The following FOXN3 variants were observed in gnomAD, a reference collection of about 807,000 sequenced individuals.
FOXN3 encodes the protein forkhead box N3.
In FOXN3, 7 loss-of-function variants were observed where a neutral mutation model predicts 38.4. The ratio of observed to expected loss-of-function variants is 0.18; its 90% CI spans 0.10 to 0.34. The LOEUF is 0.34. Ranked by LOEUF, FOXN3 falls within the 10% of genes least tolerant of loss-of-function variation. The pLI, the probability that FOXN3 is intolerant of heterozygous loss-of-function variation, is 1.00. For missense variants in FOXN3, 456 were observed against 613.4 expected (o/e 0.74, Z 2.71); for synonymous variants, 230 against 242.2 (o/e 0.95, Z 0.47).
intron 4 of FOXN3, among the ~76,000 whole-genome samples, chr14:89,250,796 C>A (rs1358804057): frequency 6.6e-6 from 1 of 152,192 alleles, no homozygotes; most frequent in African/African-American, 2.4e-5. Context: ...CTTTCCCATG[C>A]TGTTCTTGTG....
chr14:89,280,622 T>C (rs777327596), intron 4 of FOXN3, among the ~76,000 whole-genome samples: 4 of 152,208 alleles, frequency 2.6e-5, no homozygotes, highest in Non-Finnish European at 4.4e-5. Context: ...GCCTAGTTTA[T>C]GTTTCTGTCG....
intron 2 of FOXN3, among the ~76,000 whole-genome samples, chr14:89,365,785 GA>G (rs1489103817): frequency 3.3e-5 from 5 of 152,122 alleles, no homozygotes; most frequent in African/African-American, 1.2e-4. Flanking sequence ...CCACTTCAAA[GA>G]GTCAAACTAT....
At chr14:89,375,937 T>G (rs553486730) in intron 2 of FOXN3, among the ~76,000 whole-genome samples, 1 of 152,162 alleles carries the variant, frequency 6.6e-6, no homozygotes, top group Admixed American at 6.5e-5. Context: ...CCTGCCACCA[T>G]GCCTGGCTAA....
intron 2 of FOXN3, among the ~76,000 whole-genome samples, chr14:89,362,176 ACCT>A (rs1414577522): frequency 5.0e-5 from 1 of 20,118 alleles, no homozygotes. Flanking sequence ...CTCCAGCACC[ACCT>A]CCACCACCAC....
At chr14:89,207,037 G>A (rs1888403424) in intron 4 of FOXN3, among the ~76,000 whole-genome samples, 1 of 152,024 alleles carries the variant, frequency 6.6e-6, no homozygotes, top group Admixed American at 6.6e-5. Flanking sequence ...TAGCAGTAGC[G>A]GCAAGAGAAA....
chr14:89,595,816 T>C (rs536958938), intron 1 of FOXN3, among the ~76,000 whole-genome samples: 1 of 152,240 alleles, frequency 6.6e-6, no homozygotes, highest in Non-Finnish European at 1.5e-5. Flanking sequence ...GTATGTTTTT[T>C]ACTTTTTAAT....
intron 4 of FOXN3, among the ~76,000 whole-genome samples, chr14:89,225,370 T>G (rs1226669033): frequency 6.6e-6 from 1 of 151,018 alleles, no homozygotes; most frequent in African/African-American, 2.4e-5. Context: ...TTTGGGAGGC[T>G]GAGGCAGGCG....
intron 1 of FOXN3, among the ~76,000 whole-genome samples, chr14:89,459,894 T>G (rs1458945011): frequency 6.6e-6 from 1 of 151,858 alleles, no homozygotes; most frequent in African/African-American, 2.4e-5. Flanking sequence ...GTGAGGTACA[T>G]ATGTGCGTGG....
chr14:89,395,880 GAC>G (rs1891086883), intron 2 of FOXN3, among the ~76,000 whole-genome samples: 1 of 152,062 alleles, frequency 6.6e-6, no homozygotes, highest in African/African-American at 2.4e-5. Flanking sequence ...TATCAAGACA[GAC>G]AGTTAAGTAA....
chr14:89,554,544 TA>T (rs1487277045), intron 1 of FOXN3, among the ~76,000 whole-genome samples: 1 of 152,174 alleles, frequency 6.6e-6, no homozygotes, highest in Non-Finnish European at 1.5e-5. Context: ...TACAATTTTT[TA>T]AAATGGTAAT....
intron 4 of FOXN3, among the ~76,000 whole-genome samples, chr14:89,194,558 C>T (rs922145694): frequency 6.6e-6 from 1 of 152,160 alleles, no homozygotes; most frequent in African/African-American, 2.4e-5. Context: ...CCTTGTCACA[C>T]CCTGACACCC....
In FOXN3 at chr14:89,357,858, G is replaced by A. The variant is rs183150702; in HGVS notation, c.544-7050C>T. Among the ~76,000 whole-genome samples, 55 of 152,118 alleles carry A rather than the reference G, an allele frequency of 3.6e-4. No homozygotes were observed. In the East Asian group the frequency reaches 8.5e-3, roughly 23 times the overall value. On this transcript the variant is annotated intron_variant, in intron 2 of 5. Transcript: ENST00000557258. ...AAACTTATTCTCGCTATTATGCAACGCGCGACTGTATCTGGAGGAATGGAC... is the reference window on the plus strand; with the variant it reads ...AAACTTATTCTCGCTATTATGCAACACGCGACTGTATCTGGAGGAATGGAC...
chr14:89,262,854 C>A (rs1885849428), intron 4 of FOXN3, among the ~76,000 whole-genome samples: 1 of 152,146 alleles, frequency 6.6e-6, no homozygotes, highest in Admixed American at 6.5e-5. Context: ...TTGAAGATAA[C>A]AAATGGTTCA....
chr14:89,555,880 T>TGTGTGTGTGGGG lies in FOXN3; in HGVS notation c.-15+63147_-15+63148insCCCCACACACAC, dbSNP rs1183259048. On this transcript the variant is annotated intron_variant, in intron 1 of 6. Transcript: ENST00000345097. Reference sequence around the variant, plus strand: ...GTGTGTGTGTGTGTGTGTGTGTATGTGGGGGTGTATGTGGGGGTGTGTGTG... The same window carrying TGTGTGTGTGGGG: ...GTGTGTGTGTGTGTGTGTGTGTATGTGTGTGTGTGGGGGGGGGTGTATGTGGGGGTGTGTGTG... Among the ~76,000 whole-genome samples, 2 of 99,618 alleles carry TGTGTGTGTGGGG rather than the reference T, an allele frequency of 2.0e-5. 1 individual carries two copies. The highest frequency in any genetic ancestry group is 4.7e-5 in the Non-Finnish European group (2 of 42,498). 65.4% of individuals were successfully genotyped at this position (99,618 alleles called of 152,430 possible). A position where few individuals can be genotyped will look rare whatever the true frequency, so the allele number is the denominator to read the frequency against.
Position 89,485,148 on chromosome 14 carries a change from T to TG in FOXN3, c.-14-72659_-14-72658insC, listed in dbSNP as rs1893420291. Among the ~76,000 whole-genome samples, 11 of 40,888 alleles carry TG rather than the reference T, an allele frequency of 2.7e-4. No individual in the cohort carries two copies. The South Asian group carries it at 9.3e-3, about 35-fold the overall frequency. The allele number at this position is 40,888 out of a possible 152,430, so 26.8% of individuals were successfully genotyped here. A position where few individuals can be genotyped will look rare whatever the true frequency, so the allele number is the denominator to read the frequency against. On this transcript the variant is annotated intron_variant, in intron 1 of 6. Transcript: ENST00000345097. ...GCCTAGGTGACAGAGCAAGACTCTCTCAAAAAAAAAAAAAAAGACCCAGGG... is the reference window on the plus strand; with the variant it reads ...GCCTAGGTGACAGAGCAAGACTCTCTGCAAAAAAAAAAAAAAAGACCCAGGG...
At position 89,156,876 on chromosome 14, in the gene FOXN3, CTG is replaced by C. The variant is rs1274199147; in HGVS notation, c.*5536_*5537del. On this transcript the variant is annotated 3_prime_UTR_variant, in exon 6 of 6. Coordinates refer to ENST00000557258, the MANE Select transcript of FOXN3 (RefSeq NM_005197.4). ...CAAGAAATGTTGCATGTTTAAATAA[CTG>C]AGAGTGTGCTAAATCTCATCTAAAA... is the stretch of plus-strand genomic sequence containing the variant. 2 of 152,302 alleles carry C rather than the reference CTG, an allele frequency of 1.3e-5. No homozygotes were observed. The allele number at this position is 152,302 out of a possible 1,614,324, so 9.4% of individuals were successfully genotyped here.
At position 89,431,646 on chromosome 14, in the gene FOXN3, G is replaced by A. The variant is rs962718267; in HGVS notation, c.-14-19156C>T. 1.3e-5 allele frequency among the ~76,000 whole-genome samples: 2 copies of A among 152,152 alleles called. 1 individual carries two copies. The highest frequency in any genetic ancestry group is 2.9e-5 in the Non-Finnish European group (2 of 68,028). On this transcript the variant is annotated intron_variant, in intron 1 of 6. Transcript: ENST00000345097. ...GTTTTATTTTTTTAGAGCAGTTTAA[G>A]GTTCACAGCAAACTTGAGTGGGAGG...
rs897697714 is a variant in FOXN3, at chr14:89,156,799, G to T, written c.*5615C>A. On this transcript the variant is annotated 3_prime_UTR_variant, in exon 6 of 6. Transcript: ENST00000557258. ...GTAGTGAGTGTGAATGACACAGCATGAAACTGGTTACTGAATCAGCTATGA... is the reference window on the plus strand; with the variant it reads ...GTAGTGAGTGTGAATGACACAGCATTAAACTGGTTACTGAATCAGCTATGA... 1.3e-5 allele frequency: 2 copies of T among 152,124 alleles called. No homozygotes were observed. The highest frequency in any genetic ancestry group is 4.8e-5 in the African/African-American group (2 of 41,410). The allele number at this position is 152,124 out of a possible 1,614,324, so 9.4% of individuals were successfully genotyped here.
intron 3 of FOXN3, among the ~76,000 whole-genome samples, chr14:89,339,812 TA>T (rs1336720226): frequency 6.6e-6 from 1 of 152,204 alleles, no homozygotes; most frequent in African/African-American, 2.4e-5. Flanking sequence ...CAGGTGAAGC[TA>T]AGCCTGGGCT....
Sources: allele counts gnomAD v4.1 joint callset (sites outside exome capture counted in the v4.1 genomes callset), GRCh38; gene constraint gnomAD v4.1.1; transcripts MANE v1.5; gene names NCBI Gene and HGNC (gene_info 2026-07-23, HGNC 2026-07-21).